Variants in PIK3R3 observed in about 807,000 individuals in gnomAD.
The protein encoded by PIK3R3 is phosphoinositide-3-kinase regulatory subunit 3.
In PIK3R3, 64 loss-of-function variants were observed where a neutral mutation model predicts 62.9. The ratio of observed to expected loss-of-function variants is 1.02; its 90% CI spans 0.83 to 1.25. The LOEUF is 1.25. Ranked by LOEUF, PIK3R3 falls within the 50% of genes most tolerant of loss-of-function variation. PIK3R3 has a pLI of 0.00. For missense variants in PIK3R3, 614 were observed against 561.6 expected, an observed-to-expected ratio of 1.09 and a Z score of -0.94; for synonymous variants, 165 against 189.0, an observed-to-expected ratio of 0.87 and a Z score of 1.04.
At chr1:46,052,007 A>G (rs960174435) in intron 7 of PIK3R3, among the ~76,000 whole-genome samples, 2 of 152,038 alleles carry the variant, frequency 1.3e-5, no homozygotes, top group African/African-American at 4.8e-5. Context: ...GCATGGTGGC[A>G]GGCGCCTGTA....
Position 46,115,193 on chromosome 1 carries a change from T to G in PIK3R3, c.106+16654A>C, listed in dbSNP as rs1458956631. ...TAATACAGGGTAAAGCCAAGAGAAT[T>G]ATAGAAAAACAGGGCCAAAGCCTGT... On this transcript the variant is annotated intron_variant, in intron 1 of 9. Coordinates refer to ENST00000262741, the MANE Select transcript of PIK3R3 (RefSeq NM_003629.4). Among the ~76,000 whole-genome samples the G allele has an allele frequency of 2.0e-5, 3 of 152,082 alleles. No homozygotes were observed. The East Asian group carries it at 5.8e-4, about 29-fold the overall frequency.
chr1:46,098,790 T>A (rs920346509), intron 1 of PIK3R3, among the ~76,000 whole-genome samples: 1 of 152,224 alleles, frequency 6.6e-6, no homozygotes. Context: ...AACCTCAAAC[T>A]ACTGAGTTCA....
chr1:46,153,915 A>G, the PIK3R3 span, among the ~76,000 whole-genome samples: 2 of 152,258 alleles, frequency 1.3e-5, no homozygotes, highest in Non-Finnish European at 2.9e-5. Flanking sequence ...TCAGGATCAG[A>G]TAACTTTTCC....
intron 7 of PIK3R3, chr1:46,046,889 G>A: frequency 1.9e-6 from 1 of 526,058 alleles, no homozygotes; most frequent in Non-Finnish European, 3.4e-6. Context: ...TTCTTTTCTG[G>A]AGGATGTGCC....
chr1:46,113,839 G>A (rs1653941875), intron 1 of PIK3R3, among the ~76,000 whole-genome samples: 1 of 152,054 alleles, frequency 6.6e-6, no homozygotes, highest in South Asian at 2.1e-4. Flanking sequence ...TTATCCTGAT[G>A]GAATTTATAA....
chr1:46,132,722 G>A, upstream of PIK3R3: 2 of 1,288,520 alleles, frequency 1.6e-6, no homozygotes, highest in South Asian at 1.2e-5. Context: ...ACCCAACCGC[G>A]CCGGGAGGGG....
the PIK3R3 span, among the ~76,000 whole-genome samples, chr1:46,151,530 G>T: frequency 6.6e-6 from 1 of 152,132 alleles, no homozygotes; most frequent in African/African-American, 2.4e-5. Flanking sequence ...GGTCACTTGG[G>T]CCAGGAGTTT....
At chr1:46,106,693 C>T (rs1667428845) in intron 1 of PIK3R3, among the ~76,000 whole-genome samples, 1 of 152,132 alleles carries the variant, frequency 6.6e-6, no homozygotes, top group Admixed American at 6.5e-5. Context: ...TCTTCCATTC[C>T]TTCCAAAGCA....
At chr1:46,132,885 C>T, upstream of PIK3R3, 1 of 1,193,620 alleles carries the variant, frequency 8.4e-7, no homozygotes, top group African/African-American at 1.6e-5. Context: ...CCCAATCAGC[C>T]ATCCGCGCTC....
At chr1:46,095,791 A>T (rs2149434970) in intron 1 of PIK3R3, among the ~76,000 whole-genome samples, 1 of 152,326 alleles carries the variant, frequency 6.6e-6, no homozygotes, top group Non-Finnish European at 1.5e-5. Flanking sequence ...AGTTGGAGAC[A>T]GTTTCTTCAA....
chr1:46,140,323 C>G, the PIK3R3 span, among the ~76,000 whole-genome samples: 1 of 152,090 alleles, frequency 6.6e-6, no homozygotes, highest in Non-Finnish European at 1.5e-5. Context: ...AGATGACTCT[C>G]TTTGACCTAT....
At chr1:46,166,395 G>C in the PIK3R3 span, among the ~76,000 whole-genome samples, 1 of 150,566 alleles carries the variant, frequency 6.6e-6, no homozygotes, top group African/African-American at 2.4e-5. Flanking sequence ...GCTAATTTTT[G>C]TATTTTTAGT....
chr1:46,136,725 G>A (rs1412117219), upstream of PIK3R3, among the ~76,000 whole-genome samples: 1 of 152,114 alleles, frequency 6.6e-6, no homozygotes, highest in Non-Finnish European at 1.5e-5. Flanking sequence ...CCCACTTTGG[G>A]TCCTCATTTA....
At chr1:46,083,003 C>T (rs748356197) in intron 1 of PIK3R3, among the ~76,000 whole-genome samples, 3 of 152,078 alleles carry the variant, frequency 2.0e-5, no homozygotes, top group South Asian at 2.1e-4. Flanking sequence ...TGCTAGAACC[C>T]GGGAGGCAGA....
chr1:46,131,682 T>TA (rs1655606613), intron 1 of PIK3R3, 165 bp downstream of exon 1: 1 of 508,782 alleles, frequency 2.0e-6, no homozygotes, highest in African/African-American at 2.3e-5. Flanking sequence ...ACTGCAAACT[T>TA]TAAACGTGTA....
intron 1 of PIK3R3, among the ~76,000 whole-genome samples, chr1:46,097,717 G>A (rs560947470): frequency 9.3e-5 from 14 of 151,128 alleles, no homozygotes; most frequent in Non-Finnish European, 1.6e-4. Context: ...GTGAAACCCC[G>A]TCTTTACTAA....
At chr1:46,132,890 G>A, upstream of PIK3R3, 3 of 1,193,068 alleles carry the variant, frequency 2.5e-6, no homozygotes, top group Non-Finnish European at 3.2e-6. Context: ...TCAGCCATCC[G>A]CGCTCTCCCC....
intron 1 of PIK3R3, among the ~76,000 whole-genome samples, chr1:46,105,680 G>T (rs1163585110): frequency 2.0e-5 from 3 of 151,632 alleles, no homozygotes; most frequent in African/African-American, 7.3e-5. Flanking sequence ...AATCAGTAGG[G>T]TGTGGTCACG....
intron 7 of PIK3R3, among the ~76,000 whole-genome samples, chr1:46,049,322 C>CTT (rs1397823338): frequency 2.0e-5 from 3 of 152,178 alleles, no homozygotes; most frequent in Non-Finnish European, 4.4e-5. Flanking sequence ...AACTACCACA[C>CTT]TTTAAGAAGA....
Sources: allele counts gnomAD v4.1 joint callset (sites outside exome capture counted in the v4.1 genomes callset), GRCh38; gene constraint gnomAD v4.1.1; transcripts MANE v1.5; gene names NCBI Gene and HGNC (gene_info 2026-07-23, HGNC 2026-07-21).